RNGTT: variants seen among roughly 807,000 people sequenced by gnomAD.
The protein encoded by RNGTT is RNA guanylyltransferase and 5'-phosphatase.
A neutral mutation model predicts 79.3 loss-of-function variants in RNGTT; 33 were observed. The ratio of observed to expected loss-of-function variants is 0.42; its 90% CI spans 0.32 to 0.56. The LOEUF (loss-of-function observed/expected upper bound fraction) is 0.56. Ranked by LOEUF, RNGTT falls within the 20% of genes least tolerant of loss-of-function variation. The pLI is 0.17. For synonymous variants in RNGTT, 222 were observed against 235.9 expected (o/e 0.94, Z 0.54); for missense variants, 497 against 739.1 (o/e 0.67, Z 3.80).
chr6:88,874,272 A>G (rs911621849), intron 8 of RNGTT, among the ~76,000 whole-genome samples: 1 of 152,140 alleles, frequency 6.6e-6, no homozygotes. Context: ...TTATTGCTCT[A>G]AAGATTTACC....
At chr6:88,640,249 G>T (rs1440636514) in intron 14 of RNGTT, among the ~76,000 whole-genome samples, 1 of 152,012 alleles carries the variant, frequency 6.6e-6, no homozygotes, top group African/African-American at 2.4e-5. Context: ...TTAATTAAAT[G>T]TCATTTATCG....
intron 13 of RNGTT, among the ~76,000 whole-genome samples, chr6:88,698,269 G>GATATATATTTCATATATATATC (rs1562202344): frequency 2.6e-5 from 2 of 77,162 alleles, no homozygotes; most frequent in African/African-American, 2.8e-4. Context: ...AAATATATAT[G>GATATATATTTCATATATATATC]ATATATATAT....
chr6:88,710,320 T>C (rs976609095), intron 13 of RNGTT, among the ~76,000 whole-genome samples: 6 of 152,368 alleles, frequency 3.9e-5, no homozygotes, highest in East Asian at 3.9e-4. Flanking sequence ...TGTATTTAAA[T>C]ATACTGTATG....
chr6:88,891,782 TA>T, intron 7 of RNGTT, 23 bp downstream of exon 7: 1 of 1,431,954 alleles, frequency 7.0e-7, no homozygotes, highest in Non-Finnish European at 9.4e-7. Context: ...AAATTTTATT[TA>T]AAAATTTAAA....
At chr6:88,776,832 T>C (rs1778904002) in intron 12 of RNGTT, among the ~76,000 whole-genome samples, 1 of 152,162 alleles carries the variant, frequency 6.6e-6, no homozygotes, top group Non-Finnish European at 1.5e-5. Context: ...TTGTTTCCTG[T>C]TGTGCAGAAG....
intron 13 of RNGTT, among the ~76,000 whole-genome samples, chr6:88,711,628 G>T (rs142713303): frequency 4.9e-4 from 75 of 152,280 alleles, no homozygotes; most frequent in African/African-American, 1.8e-3. Context: ...ATAGGTTTGA[G>T]GTAGCATGTT....
At chr6:88,922,404 A>C (rs1784191006) in intron 4 of RNGTT, among the ~76,000 whole-genome samples, 1 of 152,178 alleles carries the variant, frequency 6.6e-6, no homozygotes, top group Non-Finnish European at 1.5e-5. Context: ...TTCAATACAC[A>C]TCTCTAATAA....
At chr6:88,803,684 TA>T (rs995447980) in intron 11 of RNGTT, among the ~76,000 whole-genome samples, 4 of 148,820 alleles carry the variant, frequency 2.7e-5, no homozygotes, top group East Asian at 1.9e-4. Flanking sequence ...AAAAAAAGGT[TA>T]AAAAAATGTA....
At chr6:88,736,759 T>A (rs1049106366) in intron 13 of RNGTT, among the ~76,000 whole-genome samples, 5 of 152,294 alleles carry the variant, frequency 3.3e-5, no homozygotes, top group African/African-American at 1.2e-4. Context: ...ACACTGCCAG[T>A]GTGAACTGTA....
chr6:88,632,720 G>GAA (rs377649646), intron 14 of RNGTT, among the ~76,000 whole-genome samples: 1 of 151,786 alleles, frequency 6.6e-6, no homozygotes, highest in South Asian at 2.1e-4. Flanking sequence ...AGTCAGGGGG[G>GAA]AAAAAAATCT....
chr6:88,681,067 A>T (rs1582322028), intron 13 of RNGTT, among the ~76,000 whole-genome samples: 2 of 152,344 alleles, frequency 1.3e-5, no homozygotes, highest in South Asian at 4.1e-4. Flanking sequence ...AATGTTAGTT[A>T]TATATAGCAG....
intron 14 of RNGTT, among the ~76,000 whole-genome samples, chr6:88,645,253 A>G (rs1232206905): frequency 6.6e-6 from 1 of 152,208 alleles, no homozygotes; most frequent in Non-Finnish European, 1.5e-5. Context: ...TCCCATTCAC[A>G]ATTGCTTCAA....
chr6:88,958,310 A>C (rs1785501456), intron 1 of RNGTT, among the ~76,000 whole-genome samples: 2 of 152,208 alleles, frequency 1.3e-5, no homozygotes, highest in South Asian at 4.1e-4. Context: ...ACATTGACTT[A>C]GGCAGAGTTC....
chr6:88,719,514 T>TA lies in RNGTT; in HGVS notation c.1440-41096dup, dbSNP rs528675073. Among the ~76,000 whole-genome samples the TA allele has an allele frequency of 9.2e-5, 14 of 152,344 alleles. 1 individual carries two copies. In the South Asian group the frequency reaches 2.9e-3, roughly 32 times the overall value. ...ACTTTAATACCTGCATTCCAAATGT[T>TA]AAACTACCTCTAATCCTTTACATTT... On this transcript the variant is annotated intron_variant, in intron 13 of 15. Coordinates refer to ENST00000369485, the MANE Select transcript of RNGTT (RefSeq NM_003800.5).
intron 13 of RNGTT, among the ~76,000 whole-genome samples, chr6:88,727,123 T>C (rs1776938232): frequency 6.6e-6 from 1 of 151,974 alleles, no homozygotes; most frequent in African/African-American, 2.4e-5. Context: ...GTCAAAGAAT[T>C]GTAAAAGTCG....
chr6:88,693,486 C>A (rs1352981431), intron 13 of RNGTT, among the ~76,000 whole-genome samples: 5 of 152,046 alleles, frequency 3.3e-5, no homozygotes, highest in Non-Finnish European at 5.9e-5. Context: ...AGTCTCTCAT[C>A]AAAGAAAATC....
chr6:88,690,845 T>C (rs1309959383), intron 13 of RNGTT, among the ~76,000 whole-genome samples: 3 of 152,166 alleles, frequency 2.0e-5, no homozygotes, highest in Non-Finnish European at 4.4e-5. Context: ...GATCTGGCAA[T>C]TCCAATTTTG....
chr6:88,675,670 A>T (rs1774844011), intron 14 of RNGTT, among the ~76,000 whole-genome samples: 1 of 151,686 alleles, frequency 6.6e-6, no homozygotes, highest in Non-Finnish European at 1.5e-5. Context: ...ATAATCGAGT[A>T]TAAGATCATA....
chr6:88,615,606 T>C (rs1302615176), intron 14 of RNGTT, among the ~76,000 whole-genome samples: 3 of 152,212 alleles, frequency 2.0e-5, no homozygotes, highest in African/African-American at 4.8e-5. Context: ...TTCTTTTATT[T>C]TGGAAACACT....
Sources: allele counts gnomAD v4.1 joint callset (sites outside exome capture counted in the v4.1 genomes callset), GRCh38; gene constraint gnomAD v4.1.1; transcripts MANE v1.5; gene names NCBI Gene and HGNC (gene_info 2026-07-23, HGNC 2026-07-21).